Variants in INPP4B observed in about 807,000 individuals in gnomAD.
INPP4B encodes the protein inositol polyphosphate 4-phosphatase type II.
In INPP4B, 55 loss-of-function variants were observed where a neutral mutation model predicts 122.5. The ratio of observed to expected loss-of-function variants is 0.45; its 90% confidence interval spans 0.36 to 0.56. INPP4B has a LOEUF of 0.56. INPP4B is among the 20% of genes least tolerant of loss of function. The probability of loss-of-function intolerance (pLI) is 0.00; values close to 1 mark genes in which losing one functional copy is unlikely to be tolerated. For synonymous variants in INPP4B, 403 were observed against 388.7 expected (o/e 1.04, Z -0.43); for missense variants, 1,000 against 1,097.7 (o/e 0.91, Z 1.26).
chr4:142,791,301 G>A (rs1776530504), intron 1 of INPP4B, among the ~76,000 whole-genome samples: 1 of 152,094 alleles, frequency 6.6e-6, no homozygotes, highest in Admixed American at 6.6e-5. Context: ...TTCTATAAGA[G>A]CTTTTGTTTC....
chr4:142,063,462 T>C (rs1762015611), intron 25 of INPP4B, among the ~76,000 whole-genome samples: 1 of 152,148 alleles, frequency 6.6e-6, no homozygotes, highest in South Asian at 2.1e-4. Context: ...TTTTAGTTTG[T>C]TTTTTCCTTG....
intron 25 of INPP4B, among the ~76,000 whole-genome samples, chr4:142,041,272 T>C (rs1050460419): frequency 6.6e-6 from 1 of 152,138 alleles, no homozygotes; most frequent in South Asian, 2.1e-4. Context: ...GTGAGAATTA[T>C]GTAAAGGTAC....
chr4:142,291,442 C>T (rs115285851), intron 9 of INPP4B, among the ~76,000 whole-genome samples: 1,975 of 152,258 alleles, frequency 0.013, 38 homozygotes, highest in African/African-American at 0.044. Flanking sequence ...GTAATGTACA[C>T]GGCCATCGAC....
chr4:142,182,552 A>AC (rs1831346462), intron 15 of INPP4B, among the ~76,000 whole-genome samples: 1 of 141,758 alleles, frequency 7.1e-6, no homozygotes. Flanking sequence ...GTCTCAAAAA[A>AC]AAAAAAACAA....
intron 12 of INPP4B, among the ~76,000 whole-genome samples, chr4:142,236,156 G>A (rs1046013403): frequency 6.6e-6 from 1 of 152,112 alleles, no homozygotes; most frequent in African/African-American, 2.4e-5. Context: ...ACTCCTGTGA[G>A]GACTAGCTAC....
At chr4:142,768,089 C>G (rs1352318119) in intron 1 of INPP4B, 1 of 152,130 alleles carries the variant, frequency 6.6e-6, no homozygotes, top group Non-Finnish European at 1.5e-5. Context: ...TGTTGTCTAC[C>G]TCAAAAGCAT....
Position 142,324,745 on chromosome 4 carries a change from C to T in INPP4B, c.373-9983G>A, listed in dbSNP as rs531757216. 2.9e-4 allele frequency among the ~76,000 whole-genome samples: 44 copies of T among 152,240 alleles called. 1 individual carries two copies. In the South Asian group the frequency reaches 7.9e-3, roughly 27 times the overall value. ...TGTTGTCAGTTTCTCTCTCTAGTTT[C>T]CCAAGCACTGTGAAACTATGGGGAC... On this transcript the variant is annotated intron_variant, in intron 7 of 25. Coordinates refer to ENST00000262992, the MANE Select transcript of INPP4B (RefSeq NM_001101669.3).
chr4:142,766,736 A>G (rs1772208363), intron 1 of INPP4B: 1 of 152,086 alleles, frequency 6.6e-6, no homozygotes, highest in African/African-American at 2.4e-5. Flanking sequence ...GTGCTTCCTT[A>G]CCTAAGACCA....
chr4:142,246,903 T>C (rs2150124053), intron 11 of INPP4B, among the ~76,000 whole-genome samples: 1 of 152,320 alleles, frequency 6.6e-6, no homozygotes, highest in East Asian at 1.9e-4. Context: ...TTCCAGCTTT[T>C]GCCCATTCAG....
chr4:142,308,459 C>A (rs1764249890), intron 8 of INPP4B, among the ~76,000 whole-genome samples: 1 of 152,034 alleles, frequency 6.6e-6, no homozygotes, highest in Non-Finnish European at 1.5e-5. Context: ...GCTGCAACAA[C>A]AAACAATGGG....
At chr4:142,068,273 A>G (rs1472261333) in intron 25 of INPP4B, among the ~76,000 whole-genome samples, 1 of 152,080 alleles carries the variant, frequency 6.6e-6, no homozygotes, top group Non-Finnish European at 1.5e-5. Context: ...TTACAGACAA[A>G]ACAATGCTGA....
chr4:142,703,502 T>A (rs1762074209), intron 2 of INPP4B, among the ~76,000 whole-genome samples: 1 of 152,020 alleles, frequency 6.6e-6, no homozygotes, highest in African/African-American at 2.4e-5. Context: ...TTCAGGAGAA[T>A]AAAAGAAAAA....
At chr4:142,435,760 G>A (rs1434270960) in intron 3 of INPP4B, among the ~76,000 whole-genome samples, 2 of 152,222 alleles carry the variant, frequency 1.3e-5, no homozygotes, top group Non-Finnish European at 2.9e-5. Flanking sequence ...CTTTTTCCAA[G>A]GAACTGTGCA....
intron 2 of INPP4B, among the ~76,000 whole-genome samples, chr4:142,665,175 T>C (rs993540371): frequency 6.6e-6 from 1 of 152,166 alleles, no homozygotes; most frequent in South Asian, 2.1e-4. Context: ...TTCATATGCC[T>C]TTTGTCTCAC....
At chr4:142,580,685 C>T (rs1393612227) in intron 2 of INPP4B, among the ~76,000 whole-genome samples, 2 of 152,012 alleles carry the variant, frequency 1.3e-5, no homozygotes, top group Non-Finnish European at 2.9e-5. Context: ...AGCTTCACCT[C>T]CACCCCCAAA....
chr4:142,786,207 AT>A (rs1775739059), intron 1 of INPP4B, among the ~76,000 whole-genome samples: 1 of 152,134 alleles, frequency 6.6e-6, no homozygotes, highest in Non-Finnish European at 1.5e-5. Flanking sequence ...GAGGCAAGAA[AT>A]ATCCAAGATT....
At chr4:142,410,264 G>GC (rs1562038506) in intron 5 of INPP4B, among the ~76,000 whole-genome samples, 1 of 152,204 alleles carries the variant, frequency 6.6e-6, no homozygotes, top group Non-Finnish European at 1.5e-5. Flanking sequence ...GCAGATGCCT[G>GC]CCCCAGGCTT....
At chr4:142,234,567 T>C (rs953026291) in intron 12 of INPP4B, among the ~76,000 whole-genome samples, 1 of 152,196 alleles carries the variant, frequency 6.6e-6, no homozygotes, top group African/African-American at 2.4e-5. Context: ...CTTTTCGTTA[T>C]AAAATGTTAA....
intron 9 of INPP4B, among the ~76,000 whole-genome samples, chr4:142,288,037 G>T (rs773354129): frequency 7.9e-5 from 12 of 152,014 alleles, no homozygotes; most frequent in Non-Finnish European, 1.6e-4. Flanking sequence ...CACCATGAGG[G>T]CCTCACACTC....
Sources: allele counts gnomAD v4.1 joint callset (sites outside exome capture counted in the v4.1 genomes callset), GRCh38; gene constraint gnomAD v4.1.1; transcripts MANE v1.5; gene names NCBI Gene and HGNC (gene_info 2026-07-23, HGNC 2026-07-21).